The following WWOX variants were observed in gnomAD, a reference collection of about 807,000 sequenced individuals.
WWOX encodes the protein WW domain containing oxidoreductase, also known as WW domain-containing oxidoreductase.
In WWOX, 69 loss-of-function variants were observed where a neutral mutation model predicts 46.2. The ratio of observed to expected loss-of-function variants is 1.49; its 90% CI spans 1.23 to 1.82. WWOX has a LOEUF of 1.82. WWOX is among the 40% of genes most tolerant of loss of function. WWOX has a pLI of 0.00. For synonymous variants in WWOX, 359 were observed against 202.6 expected, an observed-to-expected ratio of 1.77 and a Z score of -6.56; for missense variants, 919 against 542.6, an observed-to-expected ratio of 1.69 and a Z score of -6.89.
chr16:78,731,009 G>C (rs2048957087), intron 8 of WWOX, among the ~76,000 whole-genome samples: 1 of 152,108 alleles, frequency 6.6e-6, no homozygotes, highest in Admixed American at 6.5e-5. Context: ...CAGAGCCATT[G>C]ATATTGATGT....
chr16:78,606,718 G>GTTTT (rs59612285), intron 8 of WWOX, among the ~76,000 whole-genome samples: 17 of 121,062 alleles, frequency 1.4e-4, no homozygotes, highest in African/African-American at 2.7e-4. Context: ...CAGAATTGCA[G>GTTTT]TTTTTTTTTT....
chr16:79,191,619 G>T (rs1485413298), intron 8 of WWOX, among the ~76,000 whole-genome samples: 1 of 152,168 alleles, frequency 6.6e-6, no homozygotes, highest in Non-Finnish European at 1.5e-5. Context: ...TTTGGAGAAG[G>T]TTTCTATCAA....
chr16:78,515,147 C>G (rs2085459300), intron 8 of WWOX, among the ~76,000 whole-genome samples: 2 of 152,142 alleles, frequency 1.3e-5, no homozygotes. Flanking sequence ...TCACTTGAAC[C>G]CGGGAGGCGG....
At chr16:78,158,470 C>T (rs1448655702) in intron 4 of WWOX, among the ~76,000 whole-genome samples, 1 of 151,766 alleles carries the variant, frequency 6.6e-6, no homozygotes, top group African/African-American at 2.4e-5. Context: ...TCCTCCCTCC[C>T]TCCCCTCCCC....
chr16:78,424,885 T>G lies in WWOX; in HGVS notation c.621T>G (p.Leu207=). Residue 207 remains leucine, a synonymous_variant, in exon 7 of 9, where the codon CTT becomes CTG. Transcript: ENST00000566780. ...FKAKNVPLHV[L]VCNAATFALP... The stretch of plus-strand genomic sequence containing the variant: ...TATTTTTCAGGCCTCTTCATGTGCT[T>G]GTGTGCAACGCAGCAACTTTTGCTC... 1 of 1,614,156 alleles carries G rather than the reference T, an allele frequency of 6.2e-7. No homozygotes were observed. The highest frequency in any genetic ancestry group is 8.5e-7 in the Non-Finnish European group (1 of 1,180,016).
chr16:79,078,195 A>G (rs901453987), intron 8 of WWOX: 4 of 152,200 alleles, frequency 2.6e-5, no homozygotes, highest in African/African-American at 9.7e-5. Flanking sequence ...CATTTCAGAC[A>G]TTCAGATAAA....
At chr16:78,698,372 G>A (rs908478487) in intron 8 of WWOX, among the ~76,000 whole-genome samples, 4 of 152,200 alleles carry the variant, frequency 2.6e-5, no homozygotes, top group African/African-American at 4.8e-5. Flanking sequence ...GCCTTTGTGA[G>A]CACAGAGGTT....
At chr16:78,689,120 A>T (rs759868175) in intron 8 of WWOX, among the ~76,000 whole-genome samples, 7 of 152,166 alleles carry the variant, frequency 4.6e-5, no homozygotes, top group Non-Finnish European at 7.3e-5. Context: ...ACAGTCAGGG[A>T]TGCTGCAGAA....
At chr16:79,152,290 G>A (rs764982997) in intron 8 of WWOX, among the ~76,000 whole-genome samples, 26 of 152,306 alleles carry the variant, frequency 1.7e-4, no homozygotes, top group Middle Eastern at 3.4e-3. Context: ...ATGCGATGGG[G>A]AATGCAGGTG....
chr16:78,134,044 G>C (rs915672841), intron 4 of WWOX, among the ~76,000 whole-genome samples: 2 of 152,164 alleles, frequency 1.3e-5, no homozygotes, highest in Non-Finnish European at 2.9e-5. Context: ...AATTGCTTTT[G>C]TATGGTACGG....
At chr16:78,928,047 T>A (rs557350674) in intron 8 of WWOX, among the ~76,000 whole-genome samples, 5 of 151,828 alleles carry the variant, frequency 3.3e-5, no homozygotes, top group South Asian at 4.2e-4. Context: ...ACAAAAAAAA[T>A]ATCATACTCT....
chr16:78,810,245 C>G (rs1379357848), intron 8 of WWOX, among the ~76,000 whole-genome samples: 2 of 152,198 alleles, frequency 1.3e-5, no homozygotes, highest in African/African-American at 2.4e-5. Context: ...AGAACACAGT[C>G]TTATTCTCAG....
chr16:78,114,869 G>A (rs1400875813), intron 3 of WWOX, 107 bp from the exon 4 acceptor site: 3 of 1,410,606 alleles, frequency 2.1e-6, no homozygotes, highest in Non-Finnish European at 3.0e-6. Context: ...TAAGGAATAA[G>A]CATTTTGGTC....
In WWOX at chr16:79,121,368, G is replaced by T. The variant is rs371606726; in HGVS notation, c.1057-90240G>T. Among the ~76,000 whole-genome samples the T allele has an allele frequency of 1.0e-3, 158 of 152,236 alleles. 1 individual carries two copies. The highest frequency in any genetic ancestry group is 1.0e-3 in the South Asian group (5 of 4,830). On this transcript the variant is annotated intron_variant, in intron 8 of 8. Transcript: ENST00000566780. ...CCAGCTGCTGTGGAAAAAATTTTAC[G>T]CATTGTGTTTACAACAGAATATATA...
At chr16:78,101,386 G>A (rs71396146) in intron 1 of WWOX, among the ~76,000 whole-genome samples, 1 of 118,112 alleles carries the variant, frequency 8.5e-6, no homozygotes, top group South Asian at 2.9e-4. Flanking sequence ...TCGCTCCGTC[G>A]CCCAAACTGG....
intron 8 of WWOX, among the ~76,000 whole-genome samples, chr16:79,200,273 G>A (rs2051321059): frequency 6.6e-6 from 1 of 152,164 alleles, no homozygotes. Context: ...AGAGGGCCTT[G>A]GCCACCAGAG....
At chr16:78,658,806 C>T (rs1387229197) in intron 8 of WWOX, among the ~76,000 whole-genome samples, 1 of 151,816 alleles carries the variant, frequency 6.6e-6, no homozygotes, top group East Asian at 1.9e-4. Context: ...AGATCACATG[C>T]TAGGGCTGGG....
intron 8 of WWOX, among the ~76,000 whole-genome samples, chr16:78,574,269 C>G (rs541260026): frequency 1.1e-4 from 17 of 152,294 alleles, no homozygotes; most frequent in African/African-American, 4.1e-4. Context: ...ATGTATACCT[C>G]ATCACATTTG....
intron 4 of WWOX, among the ~76,000 whole-genome samples, chr16:78,153,854 C>T (rs1030127693): frequency 3.3e-5 from 5 of 152,134 alleles, no homozygotes; most frequent in Non-Finnish European, 5.9e-5. Flanking sequence ...AAACTTAAAC[C>T]AGAAGGAACC....
Sources: gnomAD v4.1 joint callset for allele counts (sites outside exome capture counted in the v4.1 genomes callset) on GRCh38, gnomAD v4.1.1 for gene constraint, MANE v1.5 for transcripts, NCBI Gene and HGNC (gene_info 2026-07-23, HGNC 2026-07-21) for gene names.